Variants in ARHGAP12 observed in about 807,000 individuals in gnomAD.
ARHGAP12 encodes the protein rho GTPase-activating protein 12.
ARHGAP12 carries 64 observed loss-of-function variants against 108.6 expected under a neutral mutation model. That is an observed-to-expected ratio of 0.59 (90% CI 0.48 to 0.73). ARHGAP12 has a LOEUF of 0.73. ARHGAP12 is among the 30% of genes least tolerant of loss of function. The pLI, the probability that ARHGAP12 is intolerant of heterozygous loss-of-function variation, is 0.00. For synonymous variants in ARHGAP12, 312 were observed against 337.2 expected (o/e 0.93, Z 0.82); for missense variants, 940 against 1,005.9 (o/e 0.93, Z 0.89).
At position 31,908,709 on chromosome 10, in the gene ARHGAP12, G is replaced by C; in HGVS notation, c.147C>G (p.Asp49Glu). The change falls in exon 3 of 20, where the codon GAC becomes GAG. Residue 49 changes from aspartate to glutamate, a missense_variant. Transcript: ENST00000344936. Reference protein sequence around the residue: ...RYILVKKTNDDWWQVKPDENS... With the variant: ...RYILVKKTNDEWWQVKPDENS... ...TTTCATCTGGCTTGACTTGCCACCA[G>C]TCATCATTGGTCTTTTTCACCAAGA... 1 of 1,614,096 alleles carries C rather than the reference G, an allele frequency of 6.2e-7. No homozygotes were observed. Among genetic ancestry groups the C allele is most frequent in the South Asian group, 1.1e-5 (1 of 91,082 alleles).
intron 1 of ARHGAP12, among the ~76,000 whole-genome samples, chr10:31,921,709 A>T (rs1839817091): frequency 7.4e-6 from 1 of 135,608 alleles, no homozygotes; most frequent in Non-Finnish European, 1.5e-5. Flanking sequence ...GGTTGCAGTG[A>T]GCCGAGATTG....
chr10:31,884,330 A>G (rs1452991611), intron 3 of ARHGAP12, among the ~76,000 whole-genome samples: 1 of 152,048 alleles, frequency 6.6e-6, no homozygotes, highest in African/African-American at 2.4e-5. Context: ...CCTCCAAAAA[A>G]AAAAACGGCA....
At chr10:31,901,506 C>T (rs1450960758) in intron 3 of ARHGAP12, among the ~76,000 whole-genome samples, 12 of 119,168 alleles carry the variant, frequency 1.0e-4, no homozygotes, top group Admixed American at 5.4e-4. Context: ...GTACTCCAGG[C>T]TTGGGTGACA....
At chr10:31,829,029 G>A (rs1835730263) in intron 10 of ARHGAP12, among the ~76,000 whole-genome samples, 1 of 152,148 alleles carries the variant, frequency 6.6e-6, no homozygotes, top group Admixed American at 6.5e-5. Context: ...GCACATGCCT[G>A]TAATCCCAGC....
At position 31,806,518 on chromosome 10, in the gene ARHGAP12, A is replaced by C. The variant is rs1834827832; in HGVS notation, c.*1140T>G. ...CATCCAACATCCATCTAATTTACAG[A>C]TGGGTTTCCACTATTCATACTGGAA... On this transcript the variant is annotated 3_prime_UTR_variant, in exon 20 of 20. Coordinates refer to ENST00000344936, the MANE Select transcript of ARHGAP12 (RefSeq NM_018287.7). 6.6e-6 allele frequency: 1 copy of C among 152,622 alleles called. No homozygotes were observed. The highest frequency in any genetic ancestry group is 2.1e-4 in the South Asian group (1 of 4,834). 9.5% of individuals were successfully genotyped at this position (152,622 alleles called of 1,614,324 possible).
rs57420280 is a variant in ARHGAP12, at chr10:31,921,763, CAAAAAAAAAAAA to C, written c.-111+6908_-111+6919del. Reference sequence around the variant, plus strand: ...TGGGTGACAGAGCAAGGCTCCATCTCAAAAAAAAAAAAAAAAAAAAAAAAAAAGTTTGTAGAA... The same window carrying C: ...TGGGTGACAGAGCAAGGCTCCATCTCAAAAAAAAAAAAAAAGTTTGTAGAA... On this transcript the variant is annotated intron_variant, in intron 1 of 19. Coordinates refer to ENST00000344936, the MANE Select transcript of ARHGAP12 (RefSeq NM_018287.7). 5.5e-4 allele frequency among the ~76,000 whole-genome samples: 21 copies of C among 37,928 alleles called. 1 individual carries two copies. The South Asian group carries it at 0.025, about 45-fold the overall frequency. 24.9% of individuals were successfully genotyped at this position (37,928 alleles called of 152,430 possible).
chr10:31,883,304 A>G (rs1433209586), intron 3 of ARHGAP12, among the ~76,000 whole-genome samples: 1 of 152,210 alleles, frequency 6.6e-6, no homozygotes. Flanking sequence ...TCAAAAAAAA[A>G]GAAATACCTA....
At chr10:31,875,991 C>A (rs1837714106) in intron 3 of ARHGAP12, among the ~76,000 whole-genome samples, 1 of 152,178 alleles carries the variant, frequency 6.6e-6, no homozygotes, top group Non-Finnish European at 1.5e-5. Flanking sequence ...CTTTTCAAGG[C>A]TGAATAATAT....
At position 31,918,946 on chromosome 10, in the gene ARHGAP12, G is replaced by A. The variant is rs555806289; in HGVS notation, c.-110-8383C>T. ...AGATATTTGTATATCCATGTTCACAGCAGCATTAATCACAATAGTCAAAAA... is the reference window on the plus strand; with the variant it reads ...AGATATTTGTATATCCATGTTCACAACAGCATTAATCACAATAGTCAAAAA... On this transcript the variant is annotated intron_variant, in intron 1 of 19. Transcript: ENST00000344936. Among the ~76,000 whole-genome samples, 4 of 152,310 alleles carry A rather than the reference G, an allele frequency of 2.6e-5. No individual in the cohort carries two copies. The South Asian group carries it at 8.3e-4, about 32-fold the overall frequency.
At chr10:31,876,287 G>A (rs1837728573) in intron 3 of ARHGAP12, among the ~76,000 whole-genome samples, 1 of 152,184 alleles carries the variant, frequency 6.6e-6, no homozygotes, top group African/African-American at 2.4e-5. Context: ...GGAGGCCAAA[G>A]CAGGTGAATC....
At chr10:31,920,876 C>T (rs1206806404) in intron 1 of ARHGAP12, among the ~76,000 whole-genome samples, 2 of 152,142 alleles carry the variant, frequency 1.3e-5, no homozygotes, top group Non-Finnish European at 2.9e-5. Context: ...AAAGTATGTT[C>T]TCCAATCACA....
intron 10 of ARHGAP12, among the ~76,000 whole-genome samples, chr10:31,829,024 T>C (rs2132194723): frequency 6.6e-6 from 1 of 152,158 alleles, no homozygotes; most frequent in African/African-American, 2.4e-5. Flanking sequence ...TAGTGGCACA[T>C]GCCTGTAATC....
chr10:31,846,271 A>C (rs558146243), intron 6 of ARHGAP12, among the ~76,000 whole-genome samples: 12 of 152,306 alleles, frequency 7.9e-5, no homozygotes, highest in Non-Finnish European at 1.6e-4. Flanking sequence ...ACAATTTTAA[A>C]CACCCAGGAC....
chr10:31,866,378 T>C (rs968102979), intron 3 of ARHGAP12, among the ~76,000 whole-genome samples: 1 of 152,146 alleles, frequency 6.6e-6, no homozygotes, highest in Non-Finnish European at 1.5e-5. Flanking sequence ...AAAACAAGTA[T>C]TGTGAGGCAT....
chr10:31,873,899 A>G (rs997267786), intron 3 of ARHGAP12, among the ~76,000 whole-genome samples: 4 of 152,364 alleles, frequency 2.6e-5, no homozygotes, highest in African/African-American at 9.6e-5. Flanking sequence ...AGTAAGACTT[A>G]GTTACTATTT....
Position 31,908,221 on chromosome 10 carries a change from T to A in ARHGAP12, c.635A>T (p.Asp212Val). 8 of 1,612,930 alleles carry A rather than the reference T, an allele frequency of 5.0e-6. No homozygotes were observed. The highest frequency in any genetic ancestry group is 5.9e-6 in the Non-Finnish European group (7 of 1,179,562). The change falls in exon 3 of 20, where the codon GAT (aspartate) becomes GTT (valine). Residue 212 changes from aspartate (D) to valine (V), a missense_variant. Asp to Val is a radical substitution (Grantham distance 152). Transcript: ENST00000344936. ...AGEGSERIHQ[D>V]SESGDELSSS... ...GCTAAGTTCATCACCAGATTCAGAA[T>A]CTTGATGTATTCTTTCAGAGCCTTC...
rs773103901 is a variant in ARHGAP12 at position 31,812,728 on chromosome 10, G to T, written c.1930C>A (p.Arg644Ser). The change falls in exon 15 of 20, where the codon CGT (arginine) becomes AGT (serine). Residue 644 changes from arginine to serine, a missense_variant. By Grantham distance (110) the Arg-to-Ser change is moderately radical. Transcript: ENST00000344936. ...LTRRPTLQAV[R>S]EKGYIKDQVF... is the part of the protein sequence containing the mutation. ...CAACCTTTAATATAACCTTTTTCACGAACAGCTTGCAAAGTGGGGCGTCGT... is the reference window on the plus strand; with the variant it reads ...CAACCTTTAATATAACCTTTTTCACTAACAGCTTGCAAAGTGGGGCGTCGT... 3 of 1,603,388 alleles carry T rather than the reference G, an allele frequency of 1.9e-6. No homozygotes were observed. Among genetic ancestry groups the T allele is most frequent in the Non-Finnish European group, 2.6e-6 (3 of 1,176,240 alleles).
chr10:31,904,763 A>AC (rs1839059980), intron 3 of ARHGAP12, among the ~76,000 whole-genome samples: 1 of 152,030 alleles, frequency 6.6e-6, no homozygotes, highest in Non-Finnish European at 1.5e-5. Context: ...AGTAGCTGGG[A>AC]CTACAGGCAC....
At chr10:31,914,628 A>G (rs553791987) in intron 1 of ARHGAP12, among the ~76,000 whole-genome samples, 1 of 152,312 alleles carries the variant, frequency 6.6e-6, no homozygotes, top group South Asian at 2.1e-4. Context: ...GGCTATTATC[A>G]AAAAGGCAAA....
Sources: gnomAD v4.1 joint callset for allele counts (sites outside exome capture counted in the v4.1 genomes callset) on GRCh38, gnomAD v4.1.1 for gene constraint, MANE v1.5 for transcripts, NCBI Gene and HGNC (gene_info 2026-07-23, HGNC 2026-07-21) for gene names.